The following POLR1B variants were observed in gnomAD, a reference collection of about 807,000 sequenced individuals.
The protein encoded by POLR1B is RNA polymerase I subunit B, also known as DNA-directed RNA polymerase I subunit RPA2.
A neutral mutation model predicts 105.8 loss-of-function variants in POLR1B; 30 were observed. The observed-to-expected ratio is 0.28, with a 90% CI of 0.21 to 0.38. The LOEUF is 0.38. POLR1B is among the 10% of genes least tolerant of loss of function. POLR1B has a pLI of 1.00. For synonymous variants in POLR1B, 485 were observed against 505.1 expected (o/e 0.96, Z 0.53); for missense variants, 976 against 1,435.8 (o/e 0.68, Z 5.17).
Position 112,547,049 on chromosome 2 carries a change from G to C in POLR1B, c.215G>C (p.Arg72Pro), listed in dbSNP as rs560435122. ...PPFEFAFKDE[R>P]ISFTILDAVI... Reference sequence around the variant, plus strand: ...TTTGAATTTGCTTTCAAAGATGAGCGTATCTCTTTTACTATTCTGGATGCT... The same window carrying C: ...TTTGAATTTGCTTTCAAAGATGAGCCTATCTCTTTTACTATTCTGGATGCT... The change falls in exon 2 of 15, where the codon CGT becomes CCT. Residue 72 changes from arginine to proline, a missense_variant. By Grantham distance (103) the Arg-to-Pro change is moderately radical. Coordinates refer to ENST00000263331, the MANE Select transcript of POLR1B (RefSeq NM_019014.6). The C allele has an allele frequency of 6.2e-7, 1 of 1,614,166 alleles. No homozygotes were observed. Among genetic ancestry groups the C allele is most frequent in the East Asian group, 2.2e-5 (1 of 44,886 alleles).
rs773831492 is a variant in POLR1B, at chr2:112,542,680, G to C, written c.177+9G>C. Reference sequence around the variant, plus strand: ...TCGGCCTCGCGGTGCAGGTGAGCGCGGCGTCCGCCGGCGCCCTTGCCGCGG... The same window carrying C: ...TCGGCCTCGCGGTGCAGGTGAGCGCCGCGTCCGCCGGCGCCCTTGCCGCGG... On this transcript the variant is annotated intron_variant, in intron 1 of 14. Coordinates refer to ENST00000263331, the MANE Select transcript of POLR1B (RefSeq NM_019014.6). 3 of 1,610,348 alleles carry C rather than the reference G, an allele frequency of 1.9e-6. No homozygotes were observed. Among genetic ancestry groups the C allele is most frequent in the Non-Finnish European group, 1.7e-6 (2 of 1,178,234 alleles).
chr2:112,569,073 T>C (rs916331934), intron 12 of POLR1B, among the ~76,000 whole-genome samples, 171 bp downstream of exon 12: 1 of 152,228 alleles, frequency 6.6e-6, no homozygotes, highest in Non-Finnish European at 1.5e-5. Flanking sequence ...TCACTCATTG[T>C]ATTTAGTTGG....
intron 12 of POLR1B, 149 bp downstream of exon 12, chr2:112,569,051 A>T (rs1684453787): frequency 1.3e-6 from 1 of 767,522 alleles, no homozygotes. Context: ...GCCACAAGCA[A>T]CCAGCCCAGG....
At chr2:112,552,943 T>G in intron 7 of POLR1B, 127 bp downstream of exon 7, 1 of 902,880 alleles carries the variant, frequency 1.1e-6, no homozygotes, top group Non-Finnish European at 1.5e-6. Flanking sequence ...GTCTCTTTTT[T>G]GTTTGTTCAT....
intron 4 of POLR1B, among the ~76,000 whole-genome samples, chr2:112,549,903 TTTGA>T (rs1405147878): frequency 2.1e-5 from 3 of 142,592 alleles, no homozygotes; most frequent in Non-Finnish European, 4.4e-5. Flanking sequence ...TTTTCATCAG[TTTGA>T]TTGTGGAAAT....
At position 112,577,458 on chromosome 2, in the gene POLR1B, AG is replaced by A. The variant is rs1364129403; in HGVS notation, c.*1731del. Among the ~76,000 whole-genome samples the A allele has an allele frequency of 6.6e-6, 1 of 152,216 alleles. No individual in the cohort carries two copies. The highest frequency in any genetic ancestry group is 1.5e-5 in the Non-Finnish European group (1 of 68,032). The stretch of plus-strand genomic sequence containing the variant: ...CAGCTACTTGGGAGGCTGAGGTGGG[AG>A]GATTGCTTGAACCCAAGAGGTCGAG... On this transcript the variant is annotated 3_prime_UTR_variant, in exon 15 of 15. Coordinates refer to ENST00000263331, the MANE Select transcript of POLR1B (RefSeq NM_019014.6).
At chr2:112,563,879 A>G (rs545620179) in intron 9 of POLR1B, among the ~76,000 whole-genome samples, 1 of 152,338 alleles carries the variant, frequency 6.6e-6, no homozygotes, top group South Asian at 2.1e-4. Flanking sequence ...CCTGAGCGAC[A>G]GAGCAAGACC....
Position 112,568,004 on chromosome 2 carries a change from T to C in POLR1B, c.1784T>C (p.Val595Ala). ...REKRIPPWME[V>A]VLIPMTGKPS... ...AAAAGAATTCCTCCCTGGATGGAAG[T>C]GGTCCTTATACCCATGACAGGAAAA... Residue 595 changes from valine (V) to alanine (A), a missense_variant, in exon 11 of 15, where the codon GTG (valine) becomes GCG (alanine). Physicochemically the swap from Val to Ala is moderately conservative, Grantham distance 64. Coordinates refer to ENST00000263331, the MANE Select transcript of POLR1B (RefSeq NM_019014.6). The C allele has an allele frequency of 6.2e-7, 1 of 1,614,142 alleles. No individual in the cohort carries two copies. The highest frequency in any genetic ancestry group is 8.5e-7 in the Non-Finnish European group (1 of 1,179,994).
In POLR1B at chr2:112,551,877, G is replaced by A. The variant is rs369181135; in HGVS notation, c.865G>A (p.Val289Ile). The A allele has an allele frequency of 4.3e-6, 7 of 1,614,018 alleles. No individual in the cohort carries two copies. Among genetic ancestry groups the A allele is most frequent in the Non-Finnish European group, 5.9e-6 (7 of 1,179,866 alleles). Residue 289 changes from valine to isoleucine, a missense_variant, in exon 6 of 15, where the codon GTA becomes ATA. Physicochemically the swap from Val to Ile is conservative, Grantham distance 29 (BLOSUM62 3). Coordinates refer to ENST00000263331, the MANE Select transcript of POLR1B (RefSeq NM_019014.6). ...RNSVSQMLRI[V>I]MEEGCSTQKQ... ...CTCTGTTTCTCAGATGTTAAGGATTGTAATGGAAGAGGGTTGTTCGACACA... is the reference window on the plus strand; with the variant it reads ...CTCTGTTTCTCAGATGTTAAGGATTATAATGGAAGAGGGTTGTTCGACACA...
At chr2:112,551,481 G>T (rs769277964) in intron 5 of POLR1B, among the ~76,000 whole-genome samples, 7 of 152,172 alleles carry the variant, frequency 4.6e-5, no homozygotes, top group Non-Finnish European at 8.8e-5. Context: ...CTAGCCCTGG[G>T]AGTCTCCCAT....
chr2:112,549,137 G>A, intron 3 of POLR1B, 130 bp from the exon 4 acceptor site: 1 of 981,378 alleles, frequency 1.0e-6, no homozygotes, highest in East Asian at 2.4e-5. Context: ...TGTTTTCAAG[G>A]GATCAGTAGT....
intron 13 of POLR1B, 116 bp from the exon 14 acceptor site, chr2:112,573,446 G>T (rs935911490): frequency 1.1e-4 from 142 of 1,326,782 alleles, no homozygotes; most frequent in Non-Finnish European, 1.2e-4. Flanking sequence ...TGGAAAATGT[G>T]AGGAAAGTTA....
At chr2:112,556,264 A>G (rs1049828034) in intron 7 of POLR1B, among the ~76,000 whole-genome samples, 2 of 152,250 alleles carry the variant, frequency 1.3e-5, no homozygotes, top group South Asian at 2.1e-4. Flanking sequence ...CCAAACCTAC[A>G]TTAATACCCT....
At position 112,578,618 on chromosome 2, in the gene POLR1B, C is replaced by T. The variant is rs1297645423; in HGVS notation, c.*2889C>T. On this transcript the variant is annotated 3_prime_UTR_variant, in exon 15 of 15. Coordinates refer to ENST00000263331, the MANE Select transcript of POLR1B (RefSeq NM_019014.6). ...GTTGTTTCCAGTTTGGGGGCATTAA[C>T]AATAAAGCTGATCTGAACAATCAGG... Among the ~76,000 whole-genome samples the T allele has an allele frequency of 6.6e-6, 1 of 152,056 alleles. No homozygotes were observed. Among genetic ancestry groups the T allele is most frequent in the Non-Finnish European group, 1.5e-5 (1 of 68,018 alleles).
chr2:112,574,784 A>G (rs1200435083), intron 14 of POLR1B, 63 bp from the exon 15 acceptor site: 9 of 1,400,610 alleles, frequency 6.4e-6, no homozygotes, highest in Non-Finnish European at 8.8e-6. Flanking sequence ...AATTATATCA[A>G]TGAAACTTAT....
intron 3 of POLR1B, 91 bp downstream of exon 3, chr2:112,547,658 T>C: frequency 7.0e-7 from 1 of 1,420,324 alleles, no homozygotes; most frequent in Non-Finnish European, 9.6e-7. Flanking sequence ...CTTTCTGTGC[T>C]CCAATTTCTG....
intron 3 of POLR1B, 134 bp from the exon 4 acceptor site, chr2:112,549,133 C>G: frequency 4.1e-6 from 4 of 965,496 alleles, no homozygotes; most frequent in Non-Finnish European, 4.8e-6. Context: ...GTACTGTTTT[C>G]AAGGGATCAG....
intron 1 of POLR1B, chr2:112,542,881 C>T: frequency 1.6e-6 from 1 of 640,762 alleles, no homozygotes; most frequent in Non-Finnish European, 2.7e-6. Flanking sequence ...ATTCGTGATT[C>T]TGGAGTGAAA....
intron 10 of POLR1B, among the ~76,000 whole-genome samples, chr2:112,566,726 A>G (rs1684293715): frequency 1.3e-5 from 2 of 148,520 alleles, no homozygotes; most frequent in Non-Finnish European, 3.0e-5. Flanking sequence ...CCATTAAACA[A>G]TCATTCCTCT....
Sources: allele counts gnomAD v4.1 joint callset (sites outside exome capture counted in the v4.1 genomes callset), GRCh38; gene constraint gnomAD v4.1.1; transcripts MANE v1.5; gene names NCBI Gene and HGNC (gene_info 2026-07-23, HGNC 2026-07-21).